Variants in PPP1CC observed in about 807,000 individuals in gnomAD.
The protein encoded by PPP1CC is serine/threonine-protein phosphatase PP1-gamma catalytic subunit.
Under a neutral mutation model 38.4 loss-of-function variants are expected in PPP1CC, and 16 were observed. The observed-to-expected ratio is 0.42, with a 90% CI of 0.28 to 0.63. The LOEUF is 0.63. Ranked by LOEUF, PPP1CC falls within the 30% of genes least tolerant of loss-of-function variation. PPP1CC has a pLI of 0.25. For synonymous variants in PPP1CC, 158 were observed against 136.0 expected (o/e 1.16, Z -1.13); for missense variants, 170 against 391.3 (o/e 0.43, Z 4.77).
At chr12:110,728,209 C>T (rs1340931084) in intron 3 of PPP1CC, among the ~76,000 whole-genome samples, 1 of 151,522 alleles carries the variant, frequency 6.6e-6, no homozygotes, top group African/African-American at 2.4e-5. Flanking sequence ...ACCATCCTGG[C>T]TAACACAGTG....
downstream of PPP1CC, among the ~76,000 whole-genome samples, chr12:110,715,848 T>C (rs1404675291): frequency 6.6e-6 from 1 of 150,846 alleles, no homozygotes; most frequent in Non-Finnish European, 1.5e-5. Flanking sequence ...CTTGAACTCC[T>C]GACCTCAGGT....
chr12:110,716,744 A>T (rs180828233), downstream of PPP1CC, among the ~76,000 whole-genome samples: 1 of 152,332 alleles, frequency 6.6e-6, no homozygotes, highest in Non-Finnish European at 1.5e-5. Flanking sequence ...TAACTGACAT[A>T]ATTCTCACAA....
the PPP1CC span, among the ~76,000 whole-genome samples, chr12:110,714,470 C>A: frequency 6.6e-6 from 1 of 151,960 alleles, no homozygotes; most frequent in African/African-American, 2.4e-5. Flanking sequence ...TCTGTCCATT[C>A]CACCTCTCAA....
intron 2 of PPP1CC, among the ~76,000 whole-genome samples, chr12:110,731,484 G>A (rs2069871643): frequency 6.6e-6 from 1 of 152,006 alleles, no homozygotes. Context: ...ATACATCCAT[G>A]TAGTTCAGAC....
chr12:110,712,850 A>T, the PPP1CC span, among the ~76,000 whole-genome samples: 17,858 of 150,392 alleles, frequency 0.12, 1,284 homozygotes, highest in African/African-American at 0.19. Context: ...GGCGGGTGGA[A>T]CACCTGAGGT....
downstream of PPP1CC, among the ~76,000 whole-genome samples, chr12:110,719,015 A>G (rs1593569743): frequency 6.6e-6 from 1 of 152,240 alleles, no homozygotes; most frequent in East Asian, 1.9e-4. Flanking sequence ...ACACTCCAAT[A>G]ATGATATAAT....
chr12:110,713,491 T>C, the PPP1CC span, among the ~76,000 whole-genome samples: 1 of 152,072 alleles, frequency 6.6e-6, no homozygotes, highest in Non-Finnish European at 1.5e-5. Context: ...ATTTGGATCT[T>C]AGACAAGGCA....
chr12:110,713,446 C>G, the PPP1CC span, among the ~76,000 whole-genome samples: 1 of 152,074 alleles, frequency 6.6e-6, no homozygotes, highest in South Asian at 2.1e-4. Context: ...TGTTGACTTT[C>G]TACTTGGAGA....
chr12:110,722,636 C>T lies in PPP1CC; in HGVS notation c.583G>A (p.Val195Ile), dbSNP rs1409203962. The T allele has an allele frequency of 3.1e-6, 5 of 1,613,730 alleles. No individual in the cohort carries two copies. The highest frequency in any genetic ancestry group is 4.2e-6 in the Non-Finnish European group (5 of 1,180,010). The change falls in exon 5 of 7, where the codon GTA becomes ATA. Residue 195 changes from valine to isoleucine, a missense_variant. Val to Ile is a conservative substitution (Grantham distance 29, BLOSUM62 3). This residue lies in a region of PPP1CC where 117 missense variants were observed against 344.4 expected (regional missense o/e 0.34). Coordinates refer to ENST00000335007, the MANE Select transcript of PPP1CC (RefSeq NM_002710.4). This position sits in a 1 kb window ranked among gnomAD's most constrained non-coding sequence, Gnocchi z 5.4. ...TCACAAAGAAGACCTTGATCTGGTA[C>T]ATCAGTTGGTCGCATAATTCGCCGA... ...QIRRIMRPTD[V>I]PDQGLLCDLL...
chr12:110,722,186 G>A lies in PPP1CC; in HGVS notation c.831C>T (p.Asp277=). 1 of 1,614,170 alleles carries A rather than the reference G, an allele frequency of 6.2e-7. No homozygotes were observed. Among genetic ancestry groups the A allele is most frequent in the Non-Finnish European group, 8.5e-7 (1 of 1,180,012 alleles). Residue 277 remains aspartate, a synonymous_variant, in exon 6 of 7, where the codon GAC becomes GAT. Coordinates refer to ENST00000335007, the MANE Select transcript of PPP1CC (RefSeq NM_002710.4). This position sits in a 1 kb window ranked among gnomAD's most constrained non-coding sequence, Gnocchi z 5.4. The part of the protein sequence containing the change: ...FSAPNYCGEF[D]NAGAMMSVDE... ...CCACACTCATCATGGCACCTGCATT[G>A]TCAAACTCTCCGCAATAATTGGGCG...
At chr12:110,712,165 C>T in the PPP1CC span, among the ~76,000 whole-genome samples, 1 of 151,910 alleles carries the variant, frequency 6.6e-6, no homozygotes, top group Non-Finnish European at 1.5e-5. Context: ...TAGGCTCTAC[C>T]GTATAGCTTA....
chr12:110,711,857 G>A, the PPP1CC span, among the ~76,000 whole-genome samples: 2 of 151,928 alleles, frequency 1.3e-5, no homozygotes, highest in African/African-American at 4.8e-5. Flanking sequence ...CTTGCGGGAC[G>A]GAGGTTGCAG....
At chr12:110,721,635 G>A (rs1260519809) in intron 6 of PPP1CC, 3 of 170,496 alleles carry the variant, frequency 1.8e-5, no homozygotes, top group Non-Finnish European at 3.7e-5. Flanking sequence ...AGGCTGGCTT[G>A]AAGTTGTACA....
At chr12:110,715,966 G>A (rs761628851), downstream of PPP1CC, among the ~76,000 whole-genome samples, 12 of 152,078 alleles carry the variant, frequency 7.9e-5, no homozygotes, top group African/African-American at 4.8e-5. Flanking sequence ...TTGCTCCTGC[G>A]GTATCTGCAT....
intron 1 of PPP1CC, 138 bp downstream of exon 1, chr12:110,742,515 C>T (rs2070029765): frequency 2.9e-6 from 2 of 678,214 alleles, no homozygotes; most frequent in African/African-American, 1.9e-5. Context: ...GTCCCCGGCC[C>T]GTGGGCCAAC....
At chr12:110,741,369 C>T (rs1224190091) in intron 1 of PPP1CC, among the ~76,000 whole-genome samples, 1 of 152,226 alleles carries the variant, frequency 6.6e-6, no homozygotes, top group Non-Finnish European at 1.5e-5. Flanking sequence ...TATAGTCCAA[C>T]AATATTTTAG....
At chr12:110,712,947 C>T in the PPP1CC span, among the ~76,000 whole-genome samples, 1 of 151,850 alleles carries the variant, frequency 6.6e-6, no homozygotes, top group Non-Finnish European at 1.5e-5. Flanking sequence ...GTGGCATATG[C>T]CTATAATCCC....
intron 1 of PPP1CC, among the ~76,000 whole-genome samples, chr12:110,737,682 C>T (rs747531722): frequency 2.0e-4 from 31 of 151,654 alleles, no homozygotes; most frequent in South Asian, 1.0e-3. Context: ...CTGTGGTTCA[C>T]GCTTGTAATC....
chr12:110,741,179 T>C (rs896625071), intron 1 of PPP1CC, among the ~76,000 whole-genome samples: 1 of 149,186 alleles, frequency 6.7e-6, no homozygotes, highest in Non-Finnish European at 1.5e-5. Flanking sequence ...TAATGACATT[T>C]AGTGTTTTTT....
Sources: allele counts gnomAD v4.1 joint callset (sites outside exome capture counted in the v4.1 genomes callset), GRCh38; gene constraint gnomAD v4.1.1; regional missense constraint gnomAD v4.1.1; non-coding constraint Gnocchi (gnomAD v3.1); transcripts MANE v1.5; gene names NCBI Gene and HGNC (gene_info 2026-07-23, HGNC 2026-07-21).